The following LRP5 variants were observed in gnomAD, a reference collection of about 807,000 sequenced individuals.
LRP5 encodes the protein LDL receptor related protein 5, also known as low-density lipoprotein receptor-related protein 5.
In LRP5, 62 loss-of-function variants were observed where a neutral mutation model predicts 154.1. That is an observed-to-expected ratio of 0.40 (90% confidence interval 0.33 to 0.50). The LOEUF (loss-of-function observed/expected upper bound fraction) is 0.50. Ranked by LOEUF, LRP5 falls within the 20% of genes least tolerant of loss-of-function variation. The pLI is 0.55. For synonymous variants in LRP5, 966 were observed against 1,011.5 expected (o/e 0.96, Z 0.85); for missense variants, 1,915 against 2,336.7 (o/e 0.82, Z 3.72).
chr11:68,329,953 A>C (rs560962736), intron 1 of LRP5, among the ~76,000 whole-genome samples: 2 of 152,332 alleles, frequency 1.3e-5, no homozygotes, highest in South Asian at 4.1e-4. Context: ...TGGCAGGTCA[A>C]ACTGGGACTC....
At chr11:68,367,227 G>T (rs2098631603) in intron 5 of LRP5, among the ~76,000 whole-genome samples, 1 of 152,232 alleles carries the variant, frequency 6.6e-6, no homozygotes, top group African/African-American at 2.4e-5. Flanking sequence ...GACCAAGCAG[G>T]TTAAGGGAGG....
chr11:68,344,099 G>C (rs116840350), intron 1 of LRP5, among the ~76,000 whole-genome samples: 1 of 152,038 alleles, frequency 6.6e-6, no homozygotes, highest in Non-Finnish European at 1.5e-5. Context: ...TGCATCGCCC[G>C]CAGGCTGGGT....
intron 5 of LRP5, among the ~76,000 whole-genome samples, chr11:68,367,120 A>G (rs1213150702): frequency 6.6e-6 from 1 of 152,118 alleles, no homozygotes; most frequent in Admixed American, 6.6e-5. Context: ...TTGACCGTTC[A>G]CCTCGGCCTC....
intron 7 of LRP5, among the ~76,000 whole-genome samples, chr11:68,400,445 C>T (rs544981741): frequency 9.2e-4 from 140 of 152,184 alleles, no homozygotes; most frequent in African/African-American, 3.2e-3. Flanking sequence ...CTGAGCTGGG[C>T]GCGGTGGCTC....
chr11:68,358,202 A>G (rs977919246), intron 3 of LRP5, among the ~76,000 whole-genome samples: 11 of 150,336 alleles, frequency 7.3e-5, no homozygotes, highest in Admixed American at 7.3e-4. Context: ...TGCAGCCCCC[A>G]CCTCCCAGGC....
intron 19 of LRP5, 61 bp downstream of exon 19, chr11:68,437,060 G>A: frequency 7.1e-7 from 1 of 1,402,492 alleles, no homozygotes; most frequent in African/African-American, 1.4e-5. Context: ...GGAACGTGGA[G>A]TTTAGGGGAG....
intron 1 of LRP5, among the ~76,000 whole-genome samples, chr11:68,330,599 G>T (rs2098602208): frequency 6.6e-6 from 1 of 152,258 alleles, no homozygotes; most frequent in Admixed American, 6.5e-5. Context: ...ATTCTGCACG[G>T]CACTAGCCAT....
intron 5 of LRP5, among the ~76,000 whole-genome samples, chr11:68,368,657 C>G (rs2098632399): frequency 6.6e-6 from 1 of 152,128 alleles, no homozygotes; most frequent in Non-Finnish European, 1.5e-5. Context: ...GTGTGTCTGT[C>G]TCCACATTTT....
chr11:68,321,500 G>A (rs2153114420), intron 1 of LRP5, among the ~76,000 whole-genome samples: 1 of 152,184 alleles, frequency 6.6e-6, no homozygotes, highest in African/African-American at 2.4e-5. Context: ...CCTCCGATGA[G>A]CTGGCGGTCT....
chr11:68,335,848 CG>C (rs2098605401), intron 1 of LRP5, among the ~76,000 whole-genome samples: 1 of 152,214 alleles, frequency 6.6e-6, no homozygotes, highest in Middle Eastern at 3.4e-3. Flanking sequence ...GAAGATGGGG[CG>C]TTGTGGCCTC....
intron 7 of LRP5, among the ~76,000 whole-genome samples, chr11:68,393,140 C>CA (rs147042639): frequency 0.02 from 2,955 of 147,410 alleles, 109 homozygotes; most frequent in African/African-American, 0.07. Flanking sequence ...AAAAAAAAAA[C>CA]AAAAAAAAAA....
chr11:68,449,152 T>A lies in LRP5; in HGVS notation c.*82T>A. ...CAAAGAAAAAAATATATTTTATGAT[T>A]TAAAAAATAAATATAATTGGGATTT... On this transcript the variant is annotated 3_prime_UTR_variant, in exon 23 of 23. Transcript: ENST00000294304. 8.2e-7 allele frequency: 1 copy of A among 1,220,992 alleles called. No homozygotes were observed. Among genetic ancestry groups the A allele is most frequent in the Non-Finnish European group, 1.1e-6 (1 of 920,718 alleles). The allele number at this position is 1,220,992 out of a possible 1,614,324, so 75.6% of individuals were successfully genotyped here. A position where few individuals can be genotyped will look rare whatever the true frequency, so the allele number is the denominator to read the frequency against.
the LRP5 span, among the ~76,000 whole-genome samples, chr11:68,298,886 T>C: frequency 6.6e-6 from 1 of 152,160 alleles, no homozygotes; most frequent in Admixed American, 6.5e-5. Context: ...TGGAGATGTC[T>C]ACACTAGGAA....
At chr11:68,406,955 G>T in intron 9 of LRP5, 142 bp downstream of exon 9, 1 of 762,144 alleles carries the variant, frequency 1.3e-6, no homozygotes. Flanking sequence ...ATATGAGCAA[G>T]CCTATTTAAA....
At chr11:68,448,267 A>T (rs956143914) in intron 22 of LRP5, among the ~76,000 whole-genome samples, 1 of 152,152 alleles carries the variant, frequency 6.6e-6, no homozygotes, top group Non-Finnish European at 1.5e-5. Context: ...AGCACGTGGG[A>T]ATTATGGGAG....
chr11:68,409,947 G>T lies in LRP5; in HGVS notation c.2125G>T (p.Val709Leu). Residue 709 changes from valine (V) to leucine (L), a missense_variant, in exon 10 of 23, where the codon GTG (valine) becomes TTG (leucine). Around this residue, in one of 3 missense-constraint regions of LRP5, gnomAD observed 773 missense variants for 1,100.9 expected, o/e 0.70. Transcript: ENST00000294304. ...CCGCGCCTTCATGAACGGGAGCTCG[G>T]TGGAGCACGTGGTGGAGTTTGGCCT... ...ISRAFMNGSS[V>L]EHVVEFGLDY... 6.2e-7 allele frequency: 1 copy of T among 1,614,104 alleles called. No homozygotes were observed. The highest frequency in any genetic ancestry group is 8.5e-7 in the Non-Finnish European group (1 of 1,180,010).
chr11:68,321,243 T>G (rs2098596604), intron 1 of LRP5, among the ~76,000 whole-genome samples: 1 of 152,154 alleles, frequency 6.6e-6, no homozygotes, highest in Admixed American at 6.6e-5. Context: ...CTCCACTGCC[T>G]GTGAGTGTCT....
rs1171364244 is a variant in LRP5, at chr11:68,438,517, C to G, written c.4183C>G (p.Leu1395Val). ...CATCGGGCCCGTCATTGGCATCATC[C>G]TCTCTCTCTTCGTCATGGGTGGTGT... ...SAIGPVIGIILSLFVMGGVYF... is the reference protein window; with the variant it reads ...SAIGPVIGIIVSLFVMGGVYF... The change falls in exon 20 of 23, where the codon CTC becomes GTC. Residue 1395 changes from leucine (L) to valine (V), a missense_variant. By Grantham distance (32) the Leu-to-Val change is conservative (BLOSUM62 1). Around this residue, in one of 3 missense-constraint regions of LRP5, gnomAD observed 1,094 missense variants for 1,210.1 expected, o/e 0.90. Transcript: ENST00000294304. 1.2e-6 allele frequency: 2 copies of G among 1,614,212 alleles called. No homozygotes were observed. Among genetic ancestry groups the G allele is most frequent in the South Asian group, 1.1e-5 (1 of 91,086 alleles).
chr11:68,363,030 G>A (rs148301782), intron 3 of LRP5, among the ~76,000 whole-genome samples: 64 of 152,358 alleles, frequency 4.2e-4, no homozygotes, highest in African/African-American at 1.4e-3. Flanking sequence ...CATTTGCTGG[G>A]CACTGTAAGC....
Sources: gnomAD v4.1 joint callset for allele counts (sites outside exome capture counted in the v4.1 genomes callset) on GRCh38, gnomAD v4.1.1 for gene constraint, gnomAD v4.1.1 regional missense constraint, MANE v1.5 for transcripts, NCBI Gene and HGNC (gene_info 2026-07-23, HGNC 2026-07-21) for gene names.